SNRPB: variants seen among roughly 807,000 people sequenced by gnomAD.
The protein encoded by SNRPB is small nuclear ribonucleoprotein polypeptides B and B1.
Under a neutral mutation model 26.6 loss-of-function variants are expected in SNRPB, and 5 were observed. That is an observed-to-expected ratio of 0.19 (90% CI 0.10 to 0.39). SNRPB has a LOEUF of 0.39. Ranked by LOEUF, SNRPB falls within the 10% of genes least tolerant of loss-of-function variation. The pLI is 1.00. For synonymous variants in SNRPB, 122 were observed against 105.8 expected (o/e 1.15, Z -0.94); for missense variants, 211 against 311.9 (o/e 0.68, Z 2.44).
chr20:2,468,647 C>T (rs1345818403), intron 1 of SNRPB, among the ~76,000 whole-genome samples: 3 of 152,206 alleles, frequency 2.0e-5, no homozygotes, highest in Admixed American at 6.5e-5. Flanking sequence ...ACTCCATGGC[C>T]GGGCTCAGTG....
At chr20:2,466,219 A>G (rs2085071997) in intron 2 of SNRPB, among the ~76,000 whole-genome samples, 1 of 152,106 alleles carries the variant, frequency 6.6e-6, no homozygotes, top group South Asian at 2.1e-4. Context: ...CACCCACCTC[A>G]CTTACGTGCA....
At chr20:2,461,989 C>G (rs764096813) in intron 6 of SNRPB, 50 bp from the exon 7 acceptor site, 16 of 1,400,764 alleles carry the variant, frequency 1.1e-5, no homozygotes, top group Non-Finnish European at 1.5e-5. Context: ...CAACTTGAAT[C>G]CCCAACCCTG....
chr20:2,463,120 G>A lies in SNRPB; in HGVS notation c.528C>T (p.Pro176=). The A allele has an allele frequency of 6.2e-7, 1 of 1,602,512 alleles. No individual in the cohort carries two copies. The highest frequency in any genetic ancestry group is 8.5e-7 in the Non-Finnish European group (1 of 1,173,934). ...TQYPPGRGGP[P]PPMGRGAPPP... is the part of the protein sequence containing the mutation. ...GGGGTGCTCCTCGGCCCATAGGTGG[G>A]GGAGGACCCCCACGGCCAGGTGGGT... is the stretch of plus-strand genomic sequence containing the variant. The change falls in exon 5 of 7, where the codon CCC becomes CCT. Residue 176 remains proline (P), a synonymous_variant. Coordinates refer to ENST00000381342, the MANE Select transcript of SNRPB (RefSeq NM_003091.4). This position sits in a 1 kb window ranked among gnomAD's most constrained non-coding sequence, Gnocchi z 5.0.
In SNRPB at chr20:2,461,830, G is replaced by A. The variant is rs552810222; in HGVS notation, c.*99C>T. 2.9e-5 allele frequency: 46 copies of A among 1,613,894 alleles called. No homozygotes were observed. The highest frequency in any genetic ancestry group is 2.1e-4 in the African/African-American group (16 of 75,020). On this transcript the variant is annotated 3_prime_UTR_variant, in exon 7 of 7. Coordinates refer to ENST00000381342, the MANE Select transcript of SNRPB (RefSeq NM_003091.4). Reference sequence around the variant, plus strand: ...ACCAGACAATCCCATGAGACTCCACGAACAACAGCATAAGAAACAAACAGG... The same window carrying A: ...ACCAGACAATCCCATGAGACTCCACAAACAACAGCATAAGAAACAAACAGG...
At position 2,461,870 on chromosome 20, in the gene SNRPB, G is replaced by A. The variant is rs375895813; in HGVS notation, c.*59C>T. The A allele has an allele frequency of 1.8e-5, 29 of 1,613,726 alleles. No individual in the cohort carries two copies. The highest frequency in any genetic ancestry group is 2.4e-5 in the Non-Finnish European group (28 of 1,179,780). ...AAACAAACAGGTCTGTGGTAACGTG[G>A]CCCTGAGGAATCGAGCCCACGCCTC... On this transcript the variant is annotated 3_prime_UTR_variant, in exon 7 of 7. Transcript: ENST00000381342.
chr20:2,461,949 G>C lies in SNRPB; in HGVS notation c.686-10C>G. The stretch of plus-strand genomic sequence containing the variant: ...AAGGGTCAAAGAAGGCCTGAAGTAA[G>C]AGTAAGAAGTTTAGTCAGTGCCTGA... On this transcript the variant is annotated splice_polypyrimidine_tract_variant and intron_variant, in intron 6 of 6. Coordinates refer to ENST00000381342, the MANE Select transcript of SNRPB (RefSeq NM_003091.4). 5 of 1,608,560 alleles carry C rather than the reference G, an allele frequency of 3.1e-6. No individual in the cohort carries two copies. Among genetic ancestry groups the C allele is most frequent in the South Asian group, 1.1e-5 (1 of 90,726 alleles).
chr20:2,470,260 C>A (rs2085104091), intron 1 of SNRPB, among the ~76,000 whole-genome samples: 1 of 149,584 alleles, frequency 6.7e-6, no homozygotes, highest in African/African-American at 2.5e-5. Flanking sequence ...GTCCACGAGC[C>A]CCTTCCACCC....
chr20:2,463,668 C>G lies in SNRPB; in HGVS notation c.420+79G>C. ...ACAATCACAGGTTGGTCACTCTGGA[C>G]CCTTTTAAAACTATGGACCCTCCCC... On this transcript the variant is annotated intron_variant, in intron 4 of 6. Coordinates refer to ENST00000381342, the MANE Select transcript of SNRPB (RefSeq NM_003091.4). The surrounding 1 kb of genome is among the most constrained non-coding windows in gnomAD (Gnocchi z 5.0). 9.2e-7 allele frequency: 1 copy of G among 1,090,538 alleles called. No individual in the cohort carries two copies. The allele number at this position is 1,090,538 out of a possible 1,614,324, so 67.6% of individuals were successfully genotyped here. A position where few individuals can be genotyped will look rare whatever the true frequency, so the allele number is the denominator to read the frequency against.
chr20:2,461,940 C>T lies in SNRPB; in HGVS notation c.686-1G>A. On this transcript the variant is annotated splice_acceptor_variant, in intron 6 of 6. Coordinates refer to ENST00000381342, the MANE Select transcript of SNRPB (RefSeq NM_003091.4). LOFTEE classifies it high-confidence loss of function. ...TCTGTGGCCAAGGGTCAAAGAAGGC[C>T]TGAAGTAAGAGTAAGAAGTTTAGTC... The T allele has an allele frequency of 6.2e-7, 1 of 1,610,666 alleles. No homozygotes were observed. Among genetic ancestry groups the T allele is most frequent in the Non-Finnish European group, 8.5e-7 (1 of 1,178,592 alleles).
At chr20:2,469,490 G>C (rs998003826) in intron 1 of SNRPB, among the ~76,000 whole-genome samples, 1 of 152,042 alleles carries the variant, frequency 6.6e-6, no homozygotes, top group Non-Finnish European at 1.5e-5. Flanking sequence ...TCAGGAGTTC[G>C]AGACCAGTCT....
intron 6 of SNRPB, 55 bp from the exon 7 acceptor site, chr20:2,461,994 A>ACCCTGCCCCAGCCTCCCACG: frequency 7.5e-7 from 1 of 1,331,268 alleles, no homozygotes; most frequent in Non-Finnish European, 1.1e-6. Context: ...TGAATCCCCA[A>ACCCTGCCCCAGCCTCCCACG]CCCTGCCCCA....
At chr20:2,462,845 TC>T in intron 5 of SNRPB, 84 bp from the exon 6 acceptor site, 1 of 1,217,172 alleles carries the variant, frequency 8.2e-7, no homozygotes, top group African/African-American at 1.5e-5. Context: ...TCCACCAAGT[TC>T]TGAGATAGAT....
At chr20:2,470,307 G>A (rs6049285) in intron 1 of SNRPB, among the ~76,000 whole-genome samples, 26,967 of 90,300 alleles carry the variant, frequency 0.3, 2,755 homozygotes, top group East Asian at 0.54. Context: ...ACAAACTTCC[G>A]CAAGTCTGAG....
At chr20:2,469,761 A>C (rs2085100167) in intron 1 of SNRPB, among the ~76,000 whole-genome samples, 2 of 152,224 alleles carry the variant, frequency 1.3e-5, no homozygotes, top group African/African-American at 4.8e-5. Flanking sequence ...GGTAAAATTA[A>C]CATGCAAGGC....
chr20:2,463,934 G>A lies in SNRPB; in HGVS notation c.268-35C>T, dbSNP rs777768697. 3 of 1,575,338 alleles carry A rather than the reference G, an allele frequency of 1.9e-6. No individual in the cohort carries two copies. Among genetic ancestry groups the A allele is most frequent in the Non-Finnish European group, 1.7e-6 (2 of 1,146,772 alleles). On this transcript the variant is annotated intron_variant, in intron 3 of 6. Coordinates refer to ENST00000381342, the MANE Select transcript of SNRPB (RefSeq NM_003091.4). The surrounding 1 kb of genome is among the most constrained non-coding windows in gnomAD (Gnocchi z 5.0). The stretch of plus-strand genomic sequence containing the variant: ...AAACAAATATGCTCTGATGCCCAGT[G>A]ATCTGAAGATCAGAAGTATACTTTG...
In SNRPB at chr20:2,461,751, TGA is replaced by T; in HGVS notation, c.*176_*177del. 17 of 1,590,526 alleles carry T rather than the reference TGA, an allele frequency of 1.1e-5. No individual in the cohort carries two copies. The Middle Eastern group carries it at 2.5e-3, about 237-fold the overall frequency. On this transcript the variant is annotated 3_prime_UTR_variant, in exon 7 of 7. Transcript: ENST00000381342. ...GGCAGGGAGCTGAGGAGGGCCAAGATGAGTCTAGGGCCTTGGTGGGCGCATTC... is the reference window on the plus strand; with the variant it reads ...GGCAGGGAGCTGAGGAGGGCCAAGATGTCTAGGGCCTTGGTGGGCGCATTC...
In SNRPB at chr20:2,467,578, G is replaced by C. The variant is rs770590369; in HGVS notation, c.155+29C>G. 4.4e-6 allele frequency: 7 copies of C among 1,606,852 alleles called. No individual in the cohort carries two copies. In the South Asian group the frequency reaches 6.6e-5, roughly 15 times the overall value. ...CCACTCAATCCATTCCCATCCTCCA[G>C]TCTCCGCCCCCCACAGTCCACTCCT... is the stretch of plus-strand genomic sequence containing the variant. On this transcript the variant is annotated intron_variant, in intron 2 of 6. Transcript: ENST00000381342.
chr20:2,463,972 C>G lies in SNRPB; in HGVS notation c.268-73G>C. On this transcript the variant is annotated intron_variant, in intron 3 of 6. Transcript: ENST00000381342. The surrounding 1 kb of genome is among the most constrained non-coding windows in gnomAD (Gnocchi z 5.0). ...GAAGTATACTTTGGAATATCATTGC[C>G]AAGAGAGCCCCTCGAAATAGCTTAT... 1 of 1,300,912 alleles carries G rather than the reference C, an allele frequency of 7.7e-7. No homozygotes were observed. Among genetic ancestry groups the G allele is most frequent in the Admixed American group, 1.9e-5 (1 of 53,086 alleles). 80.6% of individuals were successfully genotyped at this position (1,300,912 alleles called of 1,614,324 possible).
At chr20:2,465,185 T>C (rs1223056174) in intron 3 of SNRPB, among the ~76,000 whole-genome samples, 2 of 152,198 alleles carry the variant, frequency 1.3e-5, no homozygotes, top group East Asian at 1.9e-4. Flanking sequence ...CAAAACAAAA[T>C]ACACACATTT....
Sources: allele counts gnomAD v4.1 joint callset (sites outside exome capture counted in the v4.1 genomes callset), GRCh38; gene constraint gnomAD v4.1.1; non-coding constraint Gnocchi (gnomAD v3.1); transcripts MANE v1.5; gene names NCBI Gene and HGNC (gene_info 2026-07-23, HGNC 2026-07-21).